The following PALD1 variants were observed in gnomAD, a reference collection of about 807,000 sequenced individuals.
PALD1 encodes the protein paladin.
A neutral mutation model predicts 96.0 loss-of-function variants in PALD1; 57 were observed. The ratio of observed to expected loss-of-function variants is 0.59; its 90% CI spans 0.48 to 0.74. PALD1 has a LOEUF of 0.74. PALD1 is among the 30% of genes least tolerant of loss of function. The pLI, the probability that PALD1 is intolerant of heterozygous loss-of-function variation, is 0.00. For synonymous variants in PALD1, 464 were observed against 473.6 expected (o/e 0.98, Z 0.26); for missense variants, 1,063 against 1,143.7 (o/e 0.93, Z 1.02).
chr10:70,461,733 A>G, the PALD1 span, among the ~76,000 whole-genome samples: 1 of 152,158 alleles, frequency 6.6e-6, no homozygotes, highest in African/African-American at 2.4e-5. Context: ...AGTCCCAGAA[A>G]GCCCTTGGCA....
chr10:70,539,680 T>C lies in PALD1; in HGVS notation c.1826T>C (p.Val609Ala). 6.2e-7 allele frequency: 1 copy of C among 1,613,104 alleles called. No homozygotes were observed. The highest frequency in any genetic ancestry group is 8.5e-7 in the Non-Finnish European group (1 of 1,179,632). Residue 609 changes from valine (V) to alanine (A), a missense_variant, in exon 15 of 20, where the codon GTC becomes GCC. Val to Ala is a moderately conservative substitution (Grantham distance 64). Coordinates refer to ENST00000263563, the MANE Select transcript of PALD1 (RefSeq NM_014431.3). This position sits in a 1 kb window ranked among gnomAD's most constrained non-coding sequence, Gnocchi z 4.5. ...CAGACCTGCCTTACCATGCAGGAGG[T>C]CTTCAGCCAGCACCGCAGGGCCTGT... ...RFQTCLTMQEVFSQHRRACPG... is the reference protein window; with the variant it reads ...RFQTCLTMQEAFSQHRRACPG...
intron 18 of PALD1, among the ~76,000 whole-genome samples, chr10:70,556,705 A>G (rs1338642505): frequency 6.6e-6 from 1 of 152,156 alleles, no homozygotes; most frequent in East Asian, 1.9e-4. Context: ...TTATTCAACA[A>G]CAAACATCCA....
At chr10:70,500,910 G>T (rs1241749012) in intron 1 of PALD1, among the ~76,000 whole-genome samples, 2 of 152,048 alleles carry the variant, frequency 1.3e-5, no homozygotes, top group African/African-American at 4.8e-5. Flanking sequence ...GGGGTCTGCC[G>T]TGTGCCTGGC....
At chr10:70,528,696 C>T (rs1477009930) in intron 2 of PALD1, among the ~76,000 whole-genome samples, 1 of 152,206 alleles carries the variant, frequency 6.6e-6, no homozygotes, top group African/African-American at 2.4e-5. Flanking sequence ...ATGCCTTCCT[C>T]AGGACGAAGC....
At chr10:70,538,656 CTA>C (rs1254590517) in intron 12 of PALD1, among the ~76,000 whole-genome samples, 1 of 152,238 alleles carries the variant, frequency 6.6e-6, no homozygotes, top group Non-Finnish European at 1.5e-5. Flanking sequence ...GGGCAGGGTT[CTA>C]TGATCTTTGC....
intron 10 of PALD1, among the ~76,000 whole-genome samples, chr10:70,536,042 G>A (rs1847108992): frequency 6.6e-6 from 1 of 152,224 alleles, no homozygotes. Flanking sequence ...GGCTGAGGCA[G>A]ATGGATCACT....
chr10:70,561,765 C>T (rs1405063534), intron 18 of PALD1, among the ~76,000 whole-genome samples: 1 of 152,166 alleles, frequency 6.6e-6, no homozygotes. Context: ...ACTCTGCCCA[C>T]CCTGGGAGGG....
intron 1 of PALD1, among the ~76,000 whole-genome samples, chr10:70,490,767 A>G (rs531003162): frequency 6.6e-6 from 1 of 152,296 alleles, no homozygotes; most frequent in East Asian, 1.9e-4. Flanking sequence ...GGAAGTACTA[A>G]TAATGTTGGG....
At position 70,539,680 on chromosome 10, in the gene PALD1, T is replaced by G; in HGVS notation, c.1826T>G (p.Val609Gly). 6.2e-7 allele frequency: 1 copy of G among 1,613,104 alleles called. No individual in the cohort carries two copies. Among genetic ancestry groups the G allele is most frequent in the Non-Finnish European group, 8.5e-7 (1 of 1,179,632 alleles). The change falls in exon 15 of 20, where the codon GTC (valine) becomes GGC (glycine). Residue 609 changes from valine (V) to glycine (G), a missense_variant. Transcript: ENST00000263563. This position sits in a 1 kb window ranked among gnomAD's most constrained non-coding sequence, Gnocchi z 4.5. ...CAGACCTGCCTTACCATGCAGGAGG[T>G]CTTCAGCCAGCACCGCAGGGCCTGT... Reference protein sequence around the residue: ...RFQTCLTMQEVFSQHRRACPG... With the variant: ...RFQTCLTMQEGFSQHRRACPG...
rs1369170847 is a variant in PALD1 at position 70,507,251 on chromosome 10, A to T, written c.-29-18672A>T. 8.6e-4 allele frequency among the ~76,000 whole-genome samples: 130 copies of T among 151,188 alleles called. 1 individual carries two copies. The highest frequency in any genetic ancestry group is 3.1e-3 in the African/African-American group (129 of 41,024). On this transcript the variant is annotated intron_variant, in intron 1 of 19. Transcript: ENST00000263563. The stretch of plus-strand genomic sequence containing the variant: ...ACCCCGTCTCTACTAAAAATACAAA[A>T]AAAAAAAAAAATTAGCCGGGCATGG...
the PALD1 span, among the ~76,000 whole-genome samples, chr10:70,469,810 T>C: frequency 9.2e-5 from 14 of 151,946 alleles, no homozygotes; most frequent in East Asian, 2.7e-3. Flanking sequence ...TTTCTTTTTT[T>C]TGAGATGGAG....
the PALD1 span, among the ~76,000 whole-genome samples, chr10:70,465,791 CCCT>C: frequency 6.6e-6 from 1 of 152,144 alleles, no homozygotes; most frequent in African/African-American, 2.4e-5. Flanking sequence ...TTAGGCTGGT[CCCT>C]CCTCAGGATG....
At chr10:70,513,889 C>G (rs2132323694) in intron 1 of PALD1, among the ~76,000 whole-genome samples, 1 of 152,324 alleles carries the variant, frequency 6.6e-6, no homozygotes, top group African/African-American at 2.4e-5. Context: ...CCCGTGATGG[C>G]TGGCCCACAC....
In PALD1 at chr10:70,547,465, C is replaced by T. The variant is rs773757600; in HGVS notation, c.2262+19C>T. On this transcript the variant is annotated intron_variant, in intron 18 of 19. Coordinates refer to ENST00000263563, the MANE Select transcript of PALD1 (RefSeq NM_014431.3). ...CCGCCAGGTGAGCCCCCACCCCACC[C>T]CACCCCACCCTGCCCCAGCCACCCT... 8 of 1,515,448 alleles carry T rather than the reference C, an allele frequency of 5.3e-6. No individual in the cohort carries two copies. The Admixed American group carries it at 1.5e-4, about 28-fold the overall frequency. The allele number at this position is 1,515,448 out of a possible 1,614,324, so 93.9% of individuals were successfully genotyped here. A position where few individuals can be genotyped will look rare whatever the true frequency, so the allele number is the denominator to read the frequency against.
Position 70,538,919 on chromosome 10 carries a change from G to T in PALD1, c.1480G>T (p.Ala494Ser), listed in dbSNP as rs1313846558. 1 of 1,613,662 alleles carries T rather than the reference G, an allele frequency of 6.2e-7. No homozygotes were observed. The change falls in exon 13 of 20, where the codon GCG becomes TCG. Residue 494 changes from alanine to serine, a missense_variant. Ala to Ser is a moderately conservative substitution (Grantham distance 99). Coordinates refer to ENST00000263563, the MANE Select transcript of PALD1 (RefSeq NM_014431.3). The stretch of plus-strand genomic sequence containing the variant: ...GGAGGACGATCTGGTCTCCCCGGAC[G>T]CGCTCAGCACTGTCAGAGAGATGGA... ...LREDDLVSPD[A>S]LSTVREMDVA...
chr10:70,471,765 A>T, the PALD1 span, among the ~76,000 whole-genome samples: 1 of 152,236 alleles, frequency 6.6e-6, no homozygotes, highest in South Asian at 2.1e-4. Flanking sequence ...ATTTGCATGG[A>T]TACTGCCAGA....
At chr10:70,564,641 C>G (rs1050260382) in intron 19 of PALD1, 122 bp downstream of exon 19, 1 of 878,492 alleles carries the variant, frequency 1.1e-6, no homozygotes, top group African/African-American at 1.7e-5. Flanking sequence ...GAAGAGCCCC[C>G]ATCCCCCTTT....
intron 18 of PALD1, among the ~76,000 whole-genome samples, chr10:70,550,490 T>A (rs542926872): frequency 6.0e-4 from 91 of 152,354 alleles, no homozygotes; most frequent in Non-Finnish European, 8.8e-4. Context: ...TGTATACAAT[T>A]CATGTGCCAT....
chr10:70,509,093 T>C (rs1405651199), intron 1 of PALD1, among the ~76,000 whole-genome samples: 1 of 152,164 alleles, frequency 6.6e-6, no homozygotes, highest in Non-Finnish European at 1.5e-5. Context: ...CCATTGTTAC[T>C]CACCCTGGGC....
Sources: gnomAD v4.1 joint callset for allele counts (sites outside exome capture counted in the v4.1 genomes callset) on GRCh38, gnomAD v4.1.1 for gene constraint, Gnocchi (gnomAD v3.1) non-coding constraint, MANE v1.5 for transcripts, NCBI Gene and HGNC (gene_info 2026-07-23, HGNC 2026-07-21) for gene names.